PHEX: variants seen among roughly 807,000 people sequenced by gnomAD.
PHEX encodes phosphate-regulating neutral endopeptidase PHEX.
Under a neutral mutation model 68.0 loss-of-function variants are expected in PHEX, and 16 were observed. That is an observed-to-expected ratio of 0.24 (90% CI 0.16 to 0.36). PHEX has a LOEUF of 0.36. Ranked by LOEUF, PHEX falls within the 10% of genes least tolerant of loss-of-function variation. The probability of loss-of-function intolerance (pLI) is 1.00; values close to 1 mark genes in which losing one functional copy is unlikely to be tolerated. For missense variants in PHEX, 480 were observed against 575.5 expected (o/e 0.83, Z 1.70); for synonymous variants, 208 against 205.1 (o/e 1.01, Z -0.12).
At chrX:22,125,741 A>ATT (rs1301822011) in intron 11 of PHEX, among the ~76,000 whole-genome samples, 7 of 111,803 alleles carry the variant, frequency 6.3e-5, no homozygotes, top group African/African-American at 1.9e-4. Context: ...GATAAGTTCT[A>ATT]CTCATGGATT....
At chrX:22,173,243 G>C (rs1933596426) in intron 13 of PHEX, among the ~76,000 whole-genome samples, 1 of 112,199 alleles carries the variant, frequency 8.9e-6, no homozygotes, top group African/African-American at 3.2e-5. Flanking sequence ...CATTGGAGGT[G>C]GGACACCCTG....
rs775714238 is a variant in PHEX at position 22,196,497 on chromosome X, T to G, written c.1645+5995T>G. 1.1e-4 allele frequency among the ~76,000 whole-genome samples: 12 copies of G among 112,524 alleles called. No individual in the cohort carries two copies. The East Asian group carries it at 3.3e-3, about 31-fold the overall frequency. On this transcript the variant is annotated intron_variant, in intron 15 of 21. Coordinates refer to ENST00000379374, the MANE Select transcript of PHEX (RefSeq NM_000444.6). The stretch of plus-strand genomic sequence containing the variant: ...ACCTGGCTGTGTTCCAGTAAAACTT[T>G]ATTTACAAAACAGGTGGCAATATTC...
intron 12 of PHEX, chrX:22,162,973 G>C (rs1933185900): frequency 1.8e-5 from 2 of 111,823 alleles, no homozygotes; most frequent in South Asian, 7.5e-4. Flanking sequence ...AGCTGGAGGT[G>C]ATTTTGCCAC....
chrX:22,134,588 A>G (rs1016425910), intron 12 of PHEX, among the ~76,000 whole-genome samples: 4 of 112,593 alleles, frequency 3.6e-5, no homozygotes, highest in Middle Eastern at 4.6e-3. Context: ...GCGAGACTCC[A>G]TCTCTGAATA....
intron 12 of PHEX, among the ~76,000 whole-genome samples, chrX:22,153,574 G>A: frequency 9.0e-6 from 1 of 111,202 alleles, no homozygotes; most frequent in Non-Finnish European, 1.9e-5. Context: ...ATTGTCTATT[G>A]CATCTATGCC....
intron 2 of PHEX, among the ~76,000 whole-genome samples, chrX:22,041,764 A>C (rs188104291): frequency 2.2e-4 from 24 of 110,553 alleles, no homozygotes; most frequent in African/African-American, 7.9e-4. Flanking sequence ...TAAATTTTCA[A>C]CTTGAGTTTA....
At chrX:22,234,818 CAAAAAAA>C (rs371302739) in intron 20 of PHEX, among the ~76,000 whole-genome samples, 1 of 87,490 alleles carries the variant, frequency 1.1e-5, no homozygotes, top group Non-Finnish European at 2.2e-5. Context: ...AGTGGGGTAT[CAAAAAAA>C]AAAAAAACCA....
chrX:22,073,535 T>C (rs1167521445), intron 3 of PHEX, among the ~76,000 whole-genome samples: 2 of 109,514 alleles, frequency 1.8e-5, no homozygotes, highest in Non-Finnish European at 3.8e-5. Context: ...TGATGGAGCA[T>C]AGTGAGAAGA....
chrX:22,223,902 C>T (rs941650216), intron 18 of PHEX, among the ~76,000 whole-genome samples: 3 of 112,845 alleles, frequency 2.7e-5, no homozygotes, highest in Admixed American at 9.3e-5. Flanking sequence ...TGCTTGGGTT[C>T]GAATCCCAGT....
intron 3 of PHEX, among the ~76,000 whole-genome samples, chrX:22,063,676 C>G (rs1163135640): frequency 8.9e-6 from 1 of 112,447 alleles, no homozygotes; most frequent in African/African-American, 3.2e-5. Flanking sequence ...GCCCCTGAAC[C>G]CTGGATATGA....
intron 11 of PHEX, among the ~76,000 whole-genome samples, chrX:22,123,432 G>T (rs1382217004): frequency 1.8e-5 from 2 of 111,499 alleles, no homozygotes; most frequent in Non-Finnish European, 3.8e-5. Flanking sequence ...AGAGTTAAAT[G>T]ATATAATCTA....
At chrX:22,140,958 A>T (rs1181840113) in intron 12 of PHEX, among the ~76,000 whole-genome samples, 1 of 108,841 alleles carries the variant, frequency 9.2e-6, no homozygotes, top group Non-Finnish European at 1.9e-5. Context: ...ACTGAAGCAC[A>T]GAGAGTGTGA....
intron 14 of PHEX, among the ~76,000 whole-genome samples, chrX:22,185,749 G>A (rs1602369458): frequency 1.3e-5 from 1 of 78,580 alleles, no homozygotes; most frequent in Admixed American, 1.2e-4. Flanking sequence ...CATGGTTCTC[G>A]TTTGTGGTTT....
chrX:22,051,872 G>A (rs1927850019), intron 3 of PHEX, among the ~76,000 whole-genome samples: 1 of 111,837 alleles, frequency 8.9e-6, no homozygotes, highest in African/African-American at 3.2e-5. Context: ...AACTCTGCAA[G>A]TATGTTACAG....
chrX:22,102,832 C>T (rs1013664452), intron 9 of PHEX, among the ~76,000 whole-genome samples: 3 of 112,204 alleles, frequency 2.7e-5, no homozygotes, highest in Non-Finnish European at 3.8e-5. Context: ...CCACCTCCTA[C>T]CTTTCCCTTG....
In PHEX at chrX:22,186,229, T is replaced by C. The variant is rs750355813; in HGVS notation, c.1587-4215T>C. ...CAGCATGTTGATTGATATAGAAAGT[T>C]CAAAGAGCAGCTTTTCTGAGAAAGA... is the stretch of plus-strand genomic sequence containing the variant. On this transcript the variant is annotated intron_variant, in intron 14 of 21. Coordinates refer to ENST00000379374, the MANE Select transcript of PHEX (RefSeq NM_000444.6). Among the ~76,000 whole-genome samples, 18 of 111,538 alleles carry C rather than the reference T, an allele frequency of 1.6e-4. No homozygotes were observed. In the South Asian group the frequency reaches 6.8e-3, roughly 42 times the overall value.
rs531729775 is a variant in PHEX at position 22,201,319 on chromosome X, G to A, written c.1645+10817G>A. On this transcript the variant is annotated intron_variant, in intron 15 of 21. Coordinates refer to ENST00000379374, the MANE Select transcript of PHEX (RefSeq NM_000444.6). ...AGCCTCCTGAGCAGCTGGGACTACA[G>A]GCGCTCACCACCACGCCTGGCTATT... Among the ~76,000 whole-genome samples, 16 of 111,155 alleles carry A rather than the reference G, an allele frequency of 1.4e-4. No homozygotes were observed. The South Asian group carries it at 6.1e-3, about 43-fold the overall frequency.
At chrX:22,044,731 TA>T (rs1273140834) in intron 2 of PHEX, among the ~76,000 whole-genome samples, 1 of 64,452 alleles carries the variant, frequency 1.6e-5, no homozygotes. Flanking sequence ...AATAAATAAA[TA>T]AATAAATAAT....
chrX:22,209,501 G>C (rs1424182940), intron 15 of PHEX, among the ~76,000 whole-genome samples: 1 of 100,783 alleles, frequency 9.9e-6, no homozygotes, highest in Non-Finnish European at 2.0e-5. Context: ...ATAGTTACTC[G>C]TTTTTTTTTT....
Sources: gnomAD v4.1 joint callset for allele counts (sites outside exome capture counted in the v4.1 genomes callset) on GRCh38, gnomAD v4.1.1 for gene constraint, MANE v1.5 for transcripts, NCBI Gene and HGNC (gene_info 2026-07-23, HGNC 2026-07-21) for gene names.